The following EYA4 variants were observed in gnomAD, a reference collection of about 807,000 sequenced individuals.
EYA4 encodes protein phosphatase EYA4.
Under a neutral mutation model 87.9 loss-of-function variants are expected in EYA4, and 31 were observed. That is an observed-to-expected ratio of 0.35 (90% confidence interval 0.27 to 0.48). EYA4 has a LOEUF of 0.48. Ranked by LOEUF, EYA4 falls within the 20% of genes least tolerant of loss-of-function variation. EYA4 has a pLI of 0.99. For missense variants in EYA4, 678 were observed against 761.4 expected, an observed-to-expected ratio of 0.89 and a Z score of 1.29; for synonymous variants, 263 against 270.6, an observed-to-expected ratio of 0.97 and a Z score of 0.28.
chr6:133,452,056 GGT>G (rs1489557544), intron 5 of EYA4, among the ~76,000 whole-genome samples: 1 of 152,094 alleles, frequency 6.6e-6, no homozygotes, highest in African/African-American at 2.4e-5. Context: ...GGTAATCATA[GGT>G]TTTTGAATGA....
At chr6:133,411,874 A>G (rs1411134799) in intron 3 of EYA4, among the ~76,000 whole-genome samples, 4 of 152,240 alleles carry the variant, frequency 2.6e-5, no homozygotes. Context: ...GTCAAAGGTC[A>G]TGCATATTTT....
At chr6:133,265,832 G>T (rs1776178560) in intron 1 of EYA4, among the ~76,000 whole-genome samples, 1 of 152,148 alleles carries the variant, frequency 6.6e-6, no homozygotes, top group African/African-American at 2.4e-5. Context: ...ACAAAGAAAG[G>T]CTAGTTTTGG....
chr6:133,516,351 C>T (rs1799592904), intron 17 of EYA4, among the ~76,000 whole-genome samples: 1 of 151,876 alleles, frequency 6.6e-6, no homozygotes, highest in South Asian at 2.1e-4. Flanking sequence ...ATATAGCAAA[C>T]ATGCACATGT....
At chr6:133,243,314 C>T (rs773955698) in intron 1 of EYA4, among the ~76,000 whole-genome samples, 66 of 152,286 alleles carry the variant, frequency 4.3e-4, no homozygotes, top group Non-Finnish European at 7.8e-4. Context: ...TTTGGCTTGG[C>T]ACCCTGGGAT....
At chr6:133,432,227 C>G (rs1289992021) in intron 3 of EYA4, among the ~76,000 whole-genome samples, 2 of 152,168 alleles carry the variant, frequency 1.3e-5, no homozygotes, top group African/African-American at 2.4e-5. Context: ...CAGCTGCCAG[C>G]CCCAGTAGAC....
At chr6:133,327,084 T>G (rs1377454860) in intron 2 of EYA4, among the ~76,000 whole-genome samples, 2 of 152,158 alleles carry the variant, frequency 1.3e-5, no homozygotes, top group Admixed American at 1.3e-4. Flanking sequence ...CTCCTACATT[T>G]TATAGTCATT....
At chr6:133,347,873 T>C (rs1335138263) in intron 2 of EYA4, among the ~76,000 whole-genome samples, 2 of 152,198 alleles carry the variant, frequency 1.3e-5, no homozygotes, top group African/African-American at 2.4e-5. Context: ...AAATCTGTAA[T>C]TTATGAACCG....
At chr6:133,295,335 A>G (rs562543329) in intron 2 of EYA4, among the ~76,000 whole-genome samples, 2 of 152,348 alleles carry the variant, frequency 1.3e-5, no homozygotes, top group Non-Finnish European at 2.9e-5. Flanking sequence ...AGCTGTATTC[A>G]AAGAATTTCA....
chr6:133,352,481 A>T (rs978205825), intron 2 of EYA4, among the ~76,000 whole-genome samples: 1 of 152,196 alleles, frequency 6.6e-6, no homozygotes, highest in African/African-American at 2.4e-5. Context: ...TCTACATTTC[A>T]TAAATGGTTA....
At chr6:133,306,292 A>G (rs1029286978) in intron 2 of EYA4, among the ~76,000 whole-genome samples, 1 of 152,108 alleles carries the variant, frequency 6.6e-6, no homozygotes, top group African/African-American at 2.4e-5. Flanking sequence ...TGAGTAGATC[A>G]CCCCAAGGGA....
At chr6:133,478,099 A>G (rs1484609432) in intron 11 of EYA4, among the ~76,000 whole-genome samples, 2 of 152,136 alleles carry the variant, frequency 1.3e-5, no homozygotes, top group Non-Finnish European at 1.5e-5. Flanking sequence ...CGCTAACAAT[A>G]TCAAGTATTG....
rs58727159 is a variant in EYA4, at chr6:133,428,911, C to CTTTTTTTTTTTTTTTTTTTTTTTTTT, written c.84-17713_84-17688dup. Among the ~76,000 whole-genome samples, 7 of 48,230 alleles carry CTTTTTTTTTTTTTTTTTTTTTTTTTT rather than the reference C, an allele frequency of 1.5e-4. 2 individuals are homozygous for CTTTTTTTTTTTTTTTTTTTTTTTTTT. The highest frequency in any genetic ancestry group is 2.3e-4 in the African/African-American group (3 of 13,096). 31.6% of individuals were successfully genotyped at this position (48,230 alleles called of 152,430 possible). A position where few individuals can be genotyped will look rare whatever the true frequency, so the allele number is the denominator to read the frequency against. ...CTGGGGCTGAGGGTAGATTTAGCTT[C>CTTTTTTTTTTTTTTTTTTTTTTTTTT]TTTTTTTTTTTTTTTTTTTTTTTTT... On this transcript the variant is annotated intron_variant, in intron 3 of 19. Transcript: ENST00000355286.
intron 2 of EYA4, among the ~76,000 whole-genome samples, chr6:133,355,975 G>A (rs1377620523): frequency 6.6e-6 from 1 of 151,880 alleles, no homozygotes; most frequent in Admixed American, 6.6e-5. Context: ...CAAGGTGCCA[G>A]CATGATCAAT....
chr6:133,467,911 A>G (rs1260860980), intron 10 of EYA4, among the ~76,000 whole-genome samples: 2 of 152,072 alleles, frequency 1.3e-5, no homozygotes, highest in Admixed American at 1.3e-4. Context: ...GTGTTGATTC[A>G]GTGCTTTCAT....
At chr6:133,271,063 A>G (rs1321109946) in intron 1 of EYA4, among the ~76,000 whole-genome samples, 1 of 152,020 alleles carries the variant, frequency 6.6e-6, no homozygotes, top group Non-Finnish European at 1.5e-5. Context: ...TGGAAGGAAA[A>G]ATTTTGCTAG....
rs370139411 is a variant in EYA4 at position 133,364,652 on chromosome 6, A to G, written c.34-17740A>G. 2.0e-5 allele frequency among the ~76,000 whole-genome samples: 3 copies of G among 152,150 alleles called. No individual in the cohort carries two copies. The South Asian group carries it at 6.2e-4, about 32-fold the overall frequency. ...GGTGGTGCCTCACTGCTGTTGACAC[A>G]TTTTCAGGTTATGAGTTTGCCAGGT... On this transcript the variant is annotated intron_variant, in intron 2 of 19. Coordinates refer to ENST00000355286, the MANE Select transcript of EYA4 (RefSeq NM_004100.5).
At position 133,530,377 on chromosome 6, in the gene EYA4, C is replaced by T. The variant is rs1029625648; in HGVS notation, c.*1572C>T. The T allele has an allele frequency of 2.0e-6, 2 of 985,232 alleles. No homozygotes were observed. The highest frequency in any genetic ancestry group is 1.7e-5 in the African/African-American group (1 of 57,236). The allele number at this position is 985,232 out of a possible 1,614,324, so 61.0% of individuals were successfully genotyped here. A position where few individuals can be genotyped will look rare whatever the true frequency, so the allele number is the denominator to read the frequency against. ...TGTAGCCCATGTTGGGAACACGATACAGGTTCTCCTCTTATTTCCTATGAC... is the reference window on the plus strand; with the variant it reads ...TGTAGCCCATGTTGGGAACACGATATAGGTTCTCCTCTTATTTCCTATGAC... On this transcript the variant is annotated 3_prime_UTR_variant, in exon 20 of 20. Coordinates refer to ENST00000355286, the MANE Select transcript of EYA4 (RefSeq NM_004100.5).
At chr6:133,273,992 A>G (rs1056859788) in intron 1 of EYA4, among the ~76,000 whole-genome samples, 1 of 152,066 alleles carries the variant, frequency 6.6e-6, no homozygotes, top group East Asian at 1.9e-4. Flanking sequence ...TGTGTCTTCT[A>G]TTGCTACTAT....
chr6:133,384,663 C>T (rs1786540960), intron 3 of EYA4, among the ~76,000 whole-genome samples: 2 of 152,158 alleles, frequency 1.3e-5, no homozygotes, highest in African/African-American at 4.8e-5. Context: ...AATGGTCAAT[C>T]TCCACACTCT....
Sources: allele counts gnomAD v4.1 joint callset (sites outside exome capture counted in the v4.1 genomes callset), GRCh38; gene constraint gnomAD v4.1.1; transcripts MANE v1.5; gene names NCBI Gene and HGNC (gene_info 2026-07-23, HGNC 2026-07-21).